MED20: variants seen among roughly 807,000 people sequenced by gnomAD.
MED20 encodes mediator of RNA polymerase II transcription subunit 20.
MED20 carries 19 observed loss-of-function variants against 19.7 expected under a neutral mutation model. That is an observed-to-expected ratio of 0.96 (90% CI 0.67 to 1.42). The LOEUF (loss-of-function observed/expected upper bound fraction) is 1.42, where lower values mean the gene tolerates loss of function less well. Among genes scored for constraint, MED20 ranks in the 40% most tolerant of loss-of-function variants. The probability of loss-of-function intolerance (pLI) is 0.00; values close to 1 mark genes in which losing one functional copy is unlikely to be tolerated. For synonymous variants in MED20, 105 were observed against 104.8 expected, an observed-to-expected ratio of 1.00 and a Z score of -0.01; for missense variants, 225 against 273.0, an observed-to-expected ratio of 0.82 and a Z score of 1.24.
At chr6:41,908,207 G>T (rs1166458890) in intron 3 of MED20, among the ~76,000 whole-genome samples, 1 of 152,152 alleles carries the variant, frequency 6.6e-6, no homozygotes, top group Admixed American at 6.5e-5. Flanking sequence ...CTCTTTTATA[G>T]CATTTTCAGA....
At chr6:41,918,996 G>T (rs1775389997) in intron 1 of MED20, among the ~76,000 whole-genome samples, 1 of 150,446 alleles carries the variant, frequency 6.6e-6, no homozygotes, top group Non-Finnish European at 1.5e-5. Context: ...AGGCATGGTG[G>T]TGGGCGCCTG....
In MED20 at chr6:41,909,474, A is replaced by G; in HGVS notation, c.218T>C (p.Leu73Ser). 1 of 1,614,258 alleles carries G rather than the reference A, an allele frequency of 6.2e-7. No individual in the cohort carries two copies. The highest frequency in any genetic ancestry group is 1.7e-5 in the Admixed American group (1 of 60,028). Residue 73 changes from leucine to serine, a missense_variant, in exon 3 of 4, where the codon TTG (leucine) becomes TCG (serine). Transcript: ENST00000265350. Reference protein sequence around the residue: ...MYVMHNSEYPLSCFALFENGP... With the variant: ...MYVMHNSEYPSSCFALFENGP... ...ATTCTCAAAGAGGGCGAAACAGCTC[A>G]ATGGGTACTCTGAGTTGTGCATCAC... is the stretch of plus-strand genomic sequence containing the variant.
At chr6:41,916,669 T>A in intron 2 of MED20, 116 bp downstream of exon 2, 2 of 1,288,898 alleles carry the variant, frequency 1.6e-6, no homozygotes, top group Non-Finnish European at 2.2e-6. Context: ...AAAACACATC[T>A]CGCCACATGT....
Position 41,906,693 on chromosome 6 carries a change from C to T in MED20, c.*379G>A, listed in dbSNP as rs1389363381. 4.9e-6 allele frequency: 1 copy of T among 205,222 alleles called. No individual in the cohort carries two copies. Among genetic ancestry groups the T allele is most frequent in the Non-Finnish European group, 1.0e-5 (1 of 99,656 alleles). The allele number at this position is 205,222 out of a possible 1,614,324, so 12.7% of individuals were successfully genotyped here. ...CAAACATAAAATGCAGCATGTTCAC[C>T]ATTGGCCTGGGACAAATCCTTAATA... On this transcript the variant is annotated 3_prime_UTR_variant, in exon 4 of 4. Transcript: ENST00000265350.
At chr6:41,916,435 C>T (rs1775316872) in intron 2 of MED20, among the ~76,000 whole-genome samples, 1 of 151,872 alleles carries the variant, frequency 6.6e-6, no homozygotes, top group Admixed American at 6.6e-5. Flanking sequence ...CAAAATTAGC[C>T]GGGCTTGGTG....
chr6:41,915,215 C>T (rs141198835), intron 2 of MED20, among the ~76,000 whole-genome samples: 68 of 151,988 alleles, frequency 4.5e-4, no homozygotes, highest in Non-Finnish European at 7.5e-4. Context: ...TGGCAGATCC[C>T]TTGAGCTCAG....
intron 2 of MED20, among the ~76,000 whole-genome samples, chr6:41,915,735 C>T (rs915707140): frequency 6.6e-6 from 1 of 150,376 alleles, no homozygotes; most frequent in Non-Finnish European, 1.5e-5. Flanking sequence ...TGCAGTGAGC[C>T]GAGATTGCGC....
chr6:41,909,892 C>T (rs575500765), intron 2 of MED20, among the ~76,000 whole-genome samples: 16 of 152,302 alleles, frequency 1.1e-4, no homozygotes, highest in African/African-American at 3.4e-4. Context: ...TCATATATTA[C>T]ATAAGTAAAA....
intron 2 of MED20, among the ~76,000 whole-genome samples, chr6:41,915,857 G>A (rs887731626): frequency 2.3e-4 from 35 of 151,848 alleles, no homozygotes; most frequent in African/African-American, 8.2e-4. Flanking sequence ...TTAGTACCTT[G>A]GTTTTGGTGA....
At chr6:41,918,511 A>G (rs1209880730) in intron 1 of MED20, among the ~76,000 whole-genome samples, 3 of 143,390 alleles carry the variant, frequency 2.1e-5, no homozygotes, top group Admixed American at 7.0e-5. Flanking sequence ...TCTCAAAAAG[A>G]AAAAAAAAAA....
At chr6:41,909,095 G>A (rs932581055) in intron 3 of MED20, 174 bp downstream of exon 3, 2 of 778,958 alleles carry the variant, frequency 2.6e-6, no homozygotes, top group African/African-American at 1.7e-5. Context: ...GATCACTTGA[G>A]CCCTGGAGGT....
intron 3 of MED20, among the ~76,000 whole-genome samples, chr6:41,907,945 A>G (rs1308644663): frequency 3.3e-5 from 5 of 152,214 alleles, no homozygotes; most frequent in Non-Finnish European, 7.3e-5. Flanking sequence ...TGTGGAGGAT[A>G]AACAGCGGGT....
At chr6:41,919,160 CTT>C (rs1487302501) in intron 1 of MED20, among the ~76,000 whole-genome samples, 4 of 138,692 alleles carry the variant, frequency 2.9e-5, no homozygotes, top group Non-Finnish European at 6.2e-5. Flanking sequence ...AAAGAGGAAA[CTT>C]AAGTACAGCA....
intron 2 of MED20, among the ~76,000 whole-genome samples, chr6:41,912,223 T>G (rs1775212612): frequency 7.1e-6 from 1 of 141,346 alleles, no homozygotes; most frequent in Non-Finnish European, 1.5e-5. Context: ...TTTTTTTTTG[T>G]AAAGATGAGG....
At chr6:41,916,980 C>CTGGATAACTG (rs1327771318) in intron 1 of MED20, 41 bp from the exon 2 acceptor site, 1 of 1,609,076 alleles carries the variant, frequency 6.2e-7, no homozygotes, top group Non-Finnish European at 8.5e-7. Flanking sequence ...TCCAGAGACA[C>CTGGATAACTG]ACGTGTGCTC....
At position 41,909,531 on chromosome 6, in the gene MED20, G is replaced by T. The variant is rs1195321295; in HGVS notation, c.170-9C>A. On this transcript the variant is annotated splice_polypyrimidine_tract_variant and intron_variant, in intron 2 of 3. Transcript: ENST00000265350. ...CAGCTTCCCGGTCTGACCTGCAAGG[G>T]ACAGAGATCCTATTCATCATCAAGA... 2 of 1,612,358 alleles carry T rather than the reference G, an allele frequency of 1.2e-6. No homozygotes were observed. The highest frequency in any genetic ancestry group is 1.7e-5 in the Admixed American group (1 of 60,004).
intron 1 of MED20, among the ~76,000 whole-genome samples, chr6:41,918,875 A>G (rs1007846073): frequency 3.4e-5 from 5 of 149,088 alleles, no homozygotes; most frequent in Non-Finnish European, 7.4e-5. Context: ...TGAACCCGGG[A>G]AGCGGAGCTT....
chr6:41,919,475 C>G (rs1775404002), intron 1 of MED20, among the ~76,000 whole-genome samples: 1 of 152,054 alleles, frequency 6.6e-6, no homozygotes. Flanking sequence ...ACTACTCTAT[C>G]AGAAAAAAAC....
chr6:41,920,943 G>A lies in MED20; in HGVS notation c.14+62C>T. The A allele has an allele frequency of 2.5e-6, 4 of 1,581,296 alleles. No homozygotes were observed. In the South Asian group the frequency reaches 4.6e-5, roughly 18 times the overall value. On this transcript the variant is annotated intron_variant, in intron 1 of 3. Transcript: ENST00000265350. Reference sequence around the variant, plus strand: ...CCAGAGGACGGCGGACCATGGTCAAGGTCCTCTTTCCGGCCTTTCACAACT... The same window carrying A: ...CCAGAGGACGGCGGACCATGGTCAAAGTCCTCTTTCCGGCCTTTCACAACT...
Sources: allele counts gnomAD v4.1 joint callset (sites outside exome capture counted in the v4.1 genomes callset), GRCh38; gene constraint gnomAD v4.1.1; transcripts MANE v1.5; gene names NCBI Gene and HGNC (gene_info 2026-07-23, HGNC 2026-07-21).